Variants in PCLO observed in about 807,000 individuals in gnomAD.
PCLO encodes piccolo presynaptic cytomatrix protein.
Under a neutral mutation model 427.5 loss-of-function variants are expected in PCLO, and 82 were observed. The ratio of observed to expected loss-of-function variants is 0.19; its 90% confidence interval spans 0.16 to 0.23. PCLO has a LOEUF of 0.23. Ranked by LOEUF, PCLO falls within the 10% of genes least tolerant of loss-of-function variation. The pLI is 1.00. For synonymous variants in PCLO, 2,357 were observed against 2,155.4 expected, an observed-to-expected ratio of 1.09 and a Z score of -2.59; for missense variants, 6,239 against 6,115.9, an observed-to-expected ratio of 1.02 and a Z score of -0.67.
At chr7:83,055,663 T>C (rs1789361118) in intron 3 of PCLO, among the ~76,000 whole-genome samples, 1 of 152,092 alleles carries the variant, frequency 6.6e-6, no homozygotes, top group African/African-American at 2.4e-5. Flanking sequence ...AATTTATGAA[T>C]TTCCTAAAAA....
At chr7:82,794,193 T>C (rs1272943992) in intron 22 of PCLO, among the ~76,000 whole-genome samples, 1 of 152,062 alleles carries the variant, frequency 6.6e-6, no homozygotes, top group Non-Finnish European at 1.5e-5. Flanking sequence ...TGAATTATTA[T>C]GATGTCTCAC....
rs772256098 is a variant in PCLO, at chr7:82,915,833, G to A, written c.12153C>T (p.Asp4051=). Residue 4051 remains aspartate (D), a synonymous_variant, in exon 7 of 25, where the codon GAC becomes GAT. Coordinates refer to ENST00000333891, the MANE Select transcript of PCLO (RefSeq NM_033026.6). Reference sequence around the variant, plus strand: ...CTGTTCCTTTGGTGATCTCTCCAATGTCGTCAATTAGGACATAATTTCGTG... The same window carrying A: ...CTGTTCCTTTGGTGATCTCTCCAATATCGTCAATTAGGACATAATTTCGTG... ...HTPRNYVLID[D]IGEITKGTAA... is the part of the protein sequence containing the mutation. 7 of 1,613,456 alleles carry A rather than the reference G, an allele frequency of 4.3e-6. No individual in the cohort carries two copies. The East Asian group carries it at 1.3e-4, about 31-fold the overall frequency.
chr7:82,938,697 A>G (rs984904951), intron 6 of PCLO, among the ~76,000 whole-genome samples: 1 of 152,010 alleles, frequency 6.6e-6, no homozygotes, highest in African/African-American at 2.4e-5. Flanking sequence ...TGGAAAATGA[A>G]TATCAATAGC....
At chr7:83,028,540 A>G (rs1788567184) in intron 3 of PCLO, among the ~76,000 whole-genome samples, 1 of 122,170 alleles carries the variant, frequency 8.2e-6, no homozygotes. Flanking sequence ...GCCCAAGGTA[A>G]TTTACAGATT....
At chr7:83,027,577 A>G (rs1455954830) in intron 3 of PCLO, among the ~76,000 whole-genome samples, 1 of 151,128 alleles carries the variant, frequency 6.6e-6, no homozygotes, top group Non-Finnish European at 1.5e-5. Flanking sequence ...ATCAACAGAA[A>G]AAGAGGGAAT....
At chr7:83,072,373 T>C (rs551296831) in intron 3 of PCLO, among the ~76,000 whole-genome samples, 1 of 152,236 alleles carries the variant, frequency 6.6e-6, no homozygotes, top group Non-Finnish European at 1.5e-5. Flanking sequence ...CCTTTTTTAT[T>C]TAAAAAATAA....
chr7:82,794,453 TTTTTTC>T lies in PCLO; in HGVS notation c.15007+7059_15007+7064del, dbSNP rs1216641232. Reference sequence around the variant, plus strand: ...TTACTGACATGCTAGTTCATAAATTTTTTTTCTTTTTTTTTTTTTTTTTTTTTTTTT... The same window carrying T: ...TTACTGACATGCTAGTTCATAAATTTTTTTTTTTTTTTTTTTTTTTTTTTT... On this transcript the variant is annotated intron_variant, in intron 22 of 24. Coordinates refer to ENST00000333891, the MANE Select transcript of PCLO (RefSeq NM_033026.6). Among the ~76,000 whole-genome samples the T allele has an allele frequency of 2.8e-3, 250 of 89,638 alleles. 5 individuals carry two copies. The highest frequency in any genetic ancestry group is 6.3e-3 in the East Asian group (20 of 3,182). 58.8% of individuals were successfully genotyped at this position (89,638 alleles called of 152,430 possible). A position where few individuals can be genotyped will look rare whatever the true frequency, so the allele number is the denominator to read the frequency against.
chr7:83,141,691 T>C (rs572103275), intron 2 of PCLO, among the ~76,000 whole-genome samples: 14 of 152,312 alleles, frequency 9.2e-5, no homozygotes, highest in Admixed American at 9.2e-4. Flanking sequence ...AGGTGTCAAA[T>C]ATAGTAATAC....
At chr7:82,984,971 T>C (rs891677009) in intron 3 of PCLO, among the ~76,000 whole-genome samples, 8 of 152,034 alleles carry the variant, frequency 5.3e-5, no homozygotes, top group Non-Finnish European at 1.2e-4. Context: ...TTTCTACTGA[T>C]AAAATTGAAA....
intron 3 of PCLO, among the ~76,000 whole-genome samples, chr7:83,083,385 C>T (rs1363077503): frequency 6.6e-6 from 1 of 151,892 alleles, no homozygotes; most frequent in African/African-American, 2.4e-5. Flanking sequence ...GTGAGCAATA[C>T]AACAAAATCA....
chr7:83,117,138 T>C (rs1270348385), intron 3 of PCLO, among the ~76,000 whole-genome samples: 2 of 152,186 alleles, frequency 1.3e-5, no homozygotes, highest in East Asian at 3.9e-4. Flanking sequence ...TTTTATTTAG[T>C]ACTGTAGCAA....
At chr7:83,074,915 G>A (rs10259408) in intron 3 of PCLO, among the ~76,000 whole-genome samples, 3,712 of 152,182 alleles carry the variant, frequency 0.024, 153 homozygotes, top group African/African-American at 0.085. Context: ...AATATCTACT[G>A]AGTTACTTTA....
At position 82,953,478 on chromosome 7, in the gene PCLO, G is replaced by A; in HGVS notation, c.7475C>T (p.Ser2492Leu). ...APPPVPPKPS[S>L]IPSGLVFTHR... Reference sequence around the variant, plus strand: ...GGTAAATACAAGTCCAGATGGAATTGAAGATGGCTTAGGAGGAACAGGAGG... The same window carrying A: ...GGTAAATACAAGTCCAGATGGAATTAAAGATGGCTTAGGAGGAACAGGAGG... The change falls in exon 5 of 25, where the codon TCA becomes TTA. Residue 2492 changes from serine to leucine, a missense_variant. Coordinates refer to ENST00000333891, the MANE Select transcript of PCLO (RefSeq NM_033026.6). The A allele has an allele frequency of 6.2e-7, 1 of 1,613,518 alleles. No homozygotes were observed.
chr7:83,042,724 T>C (rs999018447), intron 3 of PCLO, among the ~76,000 whole-genome samples: 5 of 152,018 alleles, frequency 3.3e-5, no homozygotes, highest in African/African-American at 1.2e-4. Context: ...TAGTTGGTTG[T>C]GGTGGTGGGT....
In PCLO at chr7:83,033,027, A is replaced by C. The variant is rs187278609; in HGVS notation, c.3301-66540T>G. ...AGTTCTGATGAGATCTGGTTGTTTG[A>C]TAAGTGTTTGGCATTTTCGCCTACT... On this transcript the variant is annotated intron_variant, in intron 3 of 24. Transcript: ENST00000333891. Among the ~76,000 whole-genome samples, 40 of 152,136 alleles carry C rather than the reference A, an allele frequency of 2.6e-4. No individual in the cohort carries two copies. The East Asian group carries it at 7.0e-3, about 27-fold the overall frequency.
chr7:83,051,892 T>C (rs557767420), intron 3 of PCLO, among the ~76,000 whole-genome samples: 6 of 151,846 alleles, frequency 4.0e-5, no homozygotes, highest in Admixed American at 3.3e-4. Flanking sequence ...ATCCCAGAAA[T>C]AGACTCACAC....
intron 3 of PCLO, among the ~76,000 whole-genome samples, chr7:83,004,179 C>G (rs1208642177): frequency 6.6e-6 from 1 of 151,652 alleles, no homozygotes; most frequent in Non-Finnish European, 1.5e-5. Flanking sequence ...TTGTACGGAA[C>G]CACAAAAGAT....
chr7:83,156,759 TAC>T (rs1411697189), intron 1 of PCLO, among the ~76,000 whole-genome samples: 4 of 152,132 alleles, frequency 2.6e-5, no homozygotes, highest in Admixed American at 2.6e-4. Flanking sequence ...AATAAATCAA[TAC>T]AGAGTCATAT....
chr7:83,119,556 CAAG>C (rs1791221787), intron 3 of PCLO, among the ~76,000 whole-genome samples: 1 of 151,948 alleles, frequency 6.6e-6, no homozygotes, highest in East Asian at 1.9e-4. Context: ...AAAGCATTCT[CAAG>C]AAGGAAGGGT....
Sources: allele counts gnomAD v4.1 joint callset (sites outside exome capture counted in the v4.1 genomes callset), GRCh38; gene constraint gnomAD v4.1.1; transcripts MANE v1.5; gene names NCBI Gene and HGNC (gene_info 2026-07-23, HGNC 2026-07-21).